GMPR: variants seen among roughly 807,000 people sequenced by gnomAD.
GMPR encodes guanosine monophosphate reductase.
GMPR carries 31 observed loss-of-function variants against 38.4 expected under a neutral mutation model. That is an observed-to-expected ratio of 0.81 (90% CI 0.61 to 1.09). The LOEUF (loss-of-function observed/expected upper bound fraction) is 1.09. Ranked by LOEUF, GMPR falls within the 50% of genes least tolerant of loss-of-function variation. The pLI is 0.00. For missense variants in GMPR, 468 were observed against 453.7 expected (o/e 1.03, Z -0.29); for synonymous variants, 162 against 173.3 (o/e 0.93, Z 0.51).
At chr6:16,278,673 G>A in intron 5 of GMPR, 111 bp from the exon 6 acceptor site, 1 of 764,674 alleles carries the variant, frequency 1.3e-6, no homozygotes, top group Non-Finnish European at 2.3e-6. Flanking sequence ...CTGCCACAGA[G>A]GTTCACCCTG....
intron 7 of GMPR, chr6:16,289,620 G>A (rs1372563919): frequency 6.6e-6 from 1 of 152,114 alleles, no homozygotes; most frequent in East Asian, 1.9e-4. Flanking sequence ...GCAGCAGCAT[G>A]GTGCGGGTGG....
chr6:16,273,763 C>A (rs1759428482), intron 4 of GMPR, among the ~76,000 whole-genome samples: 1 of 151,850 alleles, frequency 6.6e-6, no homozygotes, highest in South Asian at 2.1e-4. Flanking sequence ...ATATTAATTA[C>A]CAAGAGTGTT....
At chr6:16,254,537 GTCT>G in intron 3 of GMPR, 22 bp from the exon 4 acceptor site, 1 of 1,607,500 alleles carries the variant, frequency 6.2e-7, no homozygotes, top group Non-Finnish European at 8.5e-7. Flanking sequence ...GTTTATGCCT[GTCT>G]TCTTGGTTTA....
At chr6:16,262,867 C>T (rs1454117416) in intron 4 of GMPR, 4 of 152,148 alleles carry the variant, frequency 2.6e-5, no homozygotes, top group African/African-American at 9.6e-5. Context: ...TTAACCTTGA[C>T]TATGCCTTTA....
intron 4 of GMPR, among the ~76,000 whole-genome samples, chr6:16,264,187 G>A (rs908891321): frequency 3.3e-5 from 5 of 151,972 alleles, no homozygotes; most frequent in Non-Finnish European, 7.4e-5. Context: ...TTTTGAGTCC[G>A]TGGATAAAAC....
At chr6:16,241,764 C>T (rs913238262) in intron 1 of GMPR, among the ~76,000 whole-genome samples, 1 of 152,070 alleles carries the variant, frequency 6.6e-6, no homozygotes, top group African/African-American at 2.4e-5. Flanking sequence ...TATTTAGAGA[C>T]GGAGTCTCAC....
intron 1 of GMPR, among the ~76,000 whole-genome samples, chr6:16,239,982 G>GCC (rs1758616046): frequency 1.3e-5 from 2 of 152,188 alleles, no homozygotes; most frequent in Non-Finnish European, 2.9e-5. Flanking sequence ...TAAAGAGGGG[G>GCC]CCTCTCTTGG....
In GMPR at chr6:16,277,340, C is replaced by T. The variant is rs373157570; in HGVS notation, c.548-1444C>T. Reference sequence around the variant, plus strand: ...CTGTCTGATCTTGTCCCTAAAGACCCCTGGCAGAAATTAGCATCCTACAAG... The same window carrying T: ...CTGTCTGATCTTGTCCCTAAAGACCTCTGGCAGAAATTAGCATCCTACAAG... On this transcript the variant is annotated intron_variant, in intron 5 of 8. Coordinates refer to ENST00000259727, the MANE Select transcript of GMPR (RefSeq NM_006877.4). 5.9e-5 allele frequency among the ~76,000 whole-genome samples: 9 copies of T among 152,290 alleles called. No homozygotes were observed. The South Asian group carries it at 1.9e-3, about 32-fold the overall frequency.
At chr6:16,257,047 T>C (rs1205717446) in intron 4 of GMPR, among the ~76,000 whole-genome samples, 1 of 152,200 alleles carries the variant, frequency 6.6e-6, no homozygotes, top group Non-Finnish European at 1.5e-5. Flanking sequence ...TGTGTGGGGG[T>C]TGGTCATCAG....
rs567560176 is a variant in GMPR at position 16,286,259 on chromosome 6, G to A, written c.697+424G>A. Among the ~76,000 whole-genome samples the A allele has an allele frequency of 7.2e-5, 11 of 152,158 alleles. No individual in the cohort carries two copies. The East Asian group carries it at 2.1e-3, about 29-fold the overall frequency. ...GAGGCTGGAGCCTGCCTCCCGCTAGGGGGCAGCAGTGCCTGCTGTGAGCCC... is the reference window on the plus strand; with the variant it reads ...GAGGCTGGAGCCTGCCTCCCGCTAGAGGGCAGCAGTGCCTGCTGTGAGCCC... On this transcript the variant is annotated intron_variant, in intron 7 of 8. Transcript: ENST00000259727.
chr6:16,265,774 C>T (rs528282466), intron 4 of GMPR, among the ~76,000 whole-genome samples: 15 of 152,208 alleles, frequency 9.9e-5, no homozygotes, highest in African/African-American at 3.6e-4. Flanking sequence ...GGAATAAAAG[C>T]TGGCTGCTGG....
chr6:16,280,552 T>C (rs1433752165), intron 6 of GMPR, among the ~76,000 whole-genome samples: 2 of 152,238 alleles, frequency 1.3e-5, no homozygotes, highest in African/African-American at 4.8e-5. Context: ...AAGGCTGACA[T>C]AGAACTGTCG....
intron 6 of GMPR, 145 bp downstream of exon 6, chr6:16,279,035 G>A (rs371669566): frequency 1.6e-6 from 1 of 613,932 alleles, no homozygotes; most frequent in Non-Finnish European, 2.9e-6. Context: ...CAGAAACAGA[G>A]GCCCTGCTGC....
At position 16,295,048 on chromosome 6, in the gene GMPR, T is replaced by A; in HGVS notation, c.900T>A (p.Asp300Glu). 1 of 1,609,312 alleles carries A rather than the reference T, an allele frequency of 6.2e-7. No individual in the cohort carries two copies. The highest frequency in any genetic ancestry group is 8.5e-7 in the Non-Finnish European group (1 of 1,178,152). ...GKTVEVPYKG[D>E]VENTILDILG... is the part of the protein sequence containing the mutation. ...CTGTGGAAGTTCCTTACAAAGGAGA[T>A]GTGGAAAACACTATCCTGGATATTC... Residue 300 changes from aspartate (D) to glutamate (E), a missense_variant, in exon 9 of 9, where the codon GAT becomes GAA. Coordinates refer to ENST00000259727, the MANE Select transcript of GMPR (RefSeq NM_006877.4).
At chr6:16,269,798 AAAAT>A (rs891237276) in intron 4 of GMPR, among the ~76,000 whole-genome samples, 6 of 152,230 alleles carry the variant, frequency 3.9e-5, no homozygotes, top group Admixed American at 6.5e-5. Flanking sequence ...CCCTGTCTCA[AAAAT>A]AAATAAATAA....
At chr6:16,289,295 A>AT (rs1273663205) in intron 7 of GMPR, among the ~76,000 whole-genome samples, 1 of 152,234 alleles carries the variant, frequency 6.6e-6, no homozygotes. Flanking sequence ...CAGTGAGACC[A>AT]AGAACCCACC....
In GMPR at chr6:16,290,623, TGAG is replaced by T; in HGVS notation, c.857+7_857+9del. The T allele has an allele frequency of 6.2e-7, 1 of 1,612,352 alleles. No individual in the cohort carries two copies. Among genetic ancestry groups the T allele is most frequent in the East Asian group, 2.2e-5 (1 of 44,844 alleles). ...CGCAGGAGGAGTTGCTGAGTACAGG[TGAG>T]GAGGTGACCCCGGGGCGCACCCTCG... is the stretch of plus-strand genomic sequence containing the variant. On this transcript the variant is annotated splice_donor_5th_base_variant and intron_variant, in intron 8 of 8. Coordinates refer to ENST00000259727, the MANE Select transcript of GMPR (RefSeq NM_006877.4).
intron 2 of GMPR, among the ~76,000 whole-genome samples, chr6:16,247,880 C>T (rs1206088227): frequency 6.6e-6 from 1 of 152,080 alleles, no homozygotes; most frequent in South Asian, 2.1e-4. Context: ...ATTGAAAGCT[C>T]AAAGTCTCTT....
At chr6:16,289,741 A>G (rs892638494) in intron 7 of GMPR, among the ~76,000 whole-genome samples, 3 of 133,204 alleles carry the variant, frequency 2.3e-5, no homozygotes, top group South Asian at 4.9e-4. Flanking sequence ...AGGGAGTGTC[A>G]GAGTGTGGAG....
Sources: allele counts gnomAD v4.1 joint callset (sites outside exome capture counted in the v4.1 genomes callset), GRCh38; gene constraint gnomAD v4.1.1; transcripts MANE v1.5; gene names NCBI Gene and HGNC (gene_info 2026-07-23, HGNC 2026-07-21).